The following FLT1 variants were observed in gnomAD, a reference collection of about 807,000 sequenced individuals.
The protein encoded by FLT1 is fms related receptor tyrosine kinase 1.
FLT1 carries 49 observed loss-of-function variants against 156.3 expected under a neutral mutation model. That is an observed-to-expected ratio of 0.31 (90% CI 0.25 to 0.40). The LOEUF (loss-of-function observed/expected upper bound fraction) is 0.40, where lower values mean the gene tolerates loss of function less well. Among genes scored for constraint, FLT1 ranks in the 10% least tolerant of loss-of-function variants. FLT1 has a pLI of 1.00. For missense variants in FLT1, 1,322 were observed against 1,637.2 expected (o/e 0.81, Z 3.32); for synonymous variants, 594 against 583.8 (o/e 1.02, Z -0.25).
In FLT1 at chr13:28,372,567, T is replaced by TATAC. The variant is rs1491134751; in HGVS notation, c.2116+12317_2116+12318insGTAT. ...ATATATTCCTCGTTTAAATAAAATGTATATATATATATATATATATATATA... is the reference window on the plus strand; with the variant it reads ...ATATATTCCTCGTTTAAATAAAATGTATACATATATATATATATATATATATATA... On this transcript the variant is annotated intron_variant, in intron 14 of 29. Coordinates refer to ENST00000282397, the MANE Select transcript of FLT1 (RefSeq NM_002019.4). Among the ~76,000 whole-genome samples, 10 of 2,670 alleles carry TATAC rather than the reference T, an allele frequency of 3.7e-3. 1 individual carries two copies. Among genetic ancestry groups the TATAC allele is most frequent in the Admixed American group, 0.029 (9 of 306 alleles). The allele number at this position is 2,670 out of a possible 152,430, so 1.8% of individuals were successfully genotyped here.
rs187049984 is a variant in FLT1, at chr13:28,360,254, C to T, written c.2117-2569G>A. On this transcript the variant is annotated intron_variant, in intron 14 of 29. Coordinates refer to ENST00000282397, the MANE Select transcript of FLT1 (RefSeq NM_002019.4). ...CGGTTGGTGGCATTATAAATTGTTA[C>T]GGCCATTTTGGAAAACCATATGGAG... 4.3e-4 allele frequency among the ~76,000 whole-genome samples: 65 copies of T among 152,268 alleles called. 1 individual carries two copies. The highest frequency in any genetic ancestry group is 3.4e-3 in the Middle Eastern group (1 of 294).
At chr13:28,474,507 C>CACACACACACACACACACACACACAG (rs1193451656) in intron 1 of FLT1, among the ~76,000 whole-genome samples, 2 of 150,594 alleles carry the variant, frequency 1.3e-5, no homozygotes, top group African/African-American at 5.0e-5. Flanking sequence ...CACACACACA[C>CACACACACACACACACACACACACAG]ACACACACAC....
At chr13:28,363,767 C>A (rs1236313006) in intron 14 of FLT1, among the ~76,000 whole-genome samples, 1 of 152,124 alleles carries the variant, frequency 6.6e-6, no homozygotes, top group Admixed American at 6.5e-5. Context: ...GCGCCCACCA[C>A]TGCATCTGGC....
chr13:28,447,451 T>C (rs1013430850), intron 3 of FLT1, among the ~76,000 whole-genome samples: 1 of 152,018 alleles, frequency 6.6e-6, no homozygotes, highest in Non-Finnish European at 1.5e-5. Flanking sequence ...TCTCCCAAAG[T>C]GCTGGGATTG....
chr13:28,368,278 G>A lies in FLT1; in HGVS notation c.2117-10593C>T, dbSNP rs148925471. On this transcript the variant is annotated intron_variant, in intron 14 of 29. Transcript: ENST00000282397. ...AGTGATTCTCCTGTCTCAGCCTCCC[G>A]AGTAGCTGGCATTACAGGCATGAGC... 2,724 of 390,578 alleles carry A rather than the reference G, an allele frequency of 7.0e-3. 65 individuals are homozygous for A. Among genetic ancestry groups the A allele is most frequent in the African/African-American group, 0.052 (2,541 of 48,788 alleles). The allele number at this position is 390,578 out of a possible 1,614,324, so 24.2% of individuals were successfully genotyped here. A position where few individuals can be genotyped will look rare whatever the true frequency, so the allele number is the denominator to read the frequency against.
intron 12 of FLT1, 22 bp from the exon 13 acceptor site, chr13:28,390,126 CTTCAG>C: frequency 6.2e-7 from 1 of 1,608,166 alleles, no homozygotes; most frequent in Non-Finnish European, 8.5e-7. Flanking sequence ...GAATAAAGAA[CTTCAG>C]TTCACAGAAA....
intron 3 of FLT1, among the ~76,000 whole-genome samples, chr13:28,438,672 A>G (rs893300366): frequency 4.9e-4 from 75 of 152,246 alleles, no homozygotes; most frequent in Non-Finnish European, 1.8e-4. Context: ...AAAATTCTGC[A>G]TAGACTTCTC....
intron 14 of FLT1, among the ~76,000 whole-genome samples, chr13:28,361,209 G>A (rs937229090): frequency 3.9e-5 from 6 of 152,022 alleles, no homozygotes; most frequent in African/African-American, 1.4e-4. Flanking sequence ...AAGCCGGGAG[G>A]CAGAGCTTGG....
At chr13:28,311,874 C>T (rs572908814) in intron 26 of FLT1, 119 bp downstream of exon 26, 1 of 1,089,342 alleles carries the variant, frequency 9.2e-7, no homozygotes, top group East Asian at 2.4e-5. Flanking sequence ...CACACACACA[C>T]CCTTTTTTTA....
chr13:28,379,393 AAG>A (rs1050706497), intron 14 of FLT1, among the ~76,000 whole-genome samples: 1 of 152,210 alleles, frequency 6.6e-6, no homozygotes, highest in Non-Finnish European at 1.5e-5. Context: ...AGTGAGAGGA[AAG>A]AGAATTTTTC....
At chr13:28,447,951 A>T (rs1191578724) in intron 3 of FLT1, among the ~76,000 whole-genome samples, 1 of 152,090 alleles carries the variant, frequency 6.6e-6, no homozygotes, top group Non-Finnish European at 1.5e-5. Flanking sequence ...TGGGAAAAGG[A>T]TCTGAACTGA....
At chr13:28,366,858 T>G (rs1873315296) in intron 14 of FLT1, among the ~76,000 whole-genome samples, 1 of 152,190 alleles carries the variant, frequency 6.6e-6, no homozygotes, top group African/African-American at 2.4e-5. Context: ...TACCTTTTTG[T>G]CATAAAATTG....
intron 18 of FLT1, among the ~76,000 whole-genome samples, chr13:28,331,742 A>G (rs939364098): frequency 1.3e-5 from 2 of 152,210 alleles, no homozygotes; most frequent in African/African-American, 4.8e-5. Context: ...CCTTTTTTCT[A>G]TCTCCCAGAA....
At chr13:28,308,014 C>T (rs1405755567) in intron 28 of FLT1, among the ~76,000 whole-genome samples, 4 of 152,158 alleles carry the variant, frequency 2.6e-5, no homozygotes, top group East Asian at 3.9e-4. Context: ...CCTCGTGATC[C>T]GCCTGCCTTG....
At chr13:28,435,535 A>T (rs1471246927) in intron 4 of FLT1, among the ~76,000 whole-genome samples, 1 of 152,210 alleles carries the variant, frequency 6.6e-6, no homozygotes, top group African/African-American at 2.4e-5. Flanking sequence ...CCAACAGATT[A>T]TAAAGGAAAT....
intron 8 of FLT1, among the ~76,000 whole-genome samples, chr13:28,428,153 A>C (rs1777882769): frequency 6.6e-6 from 1 of 152,224 alleles, no homozygotes; most frequent in Non-Finnish European, 1.5e-5. Context: ...GAGCGAAGAT[A>C]GAAAAGCAGT....
chr13:28,446,138 G>A (rs1878604785), intron 3 of FLT1, among the ~76,000 whole-genome samples: 1 of 152,136 alleles, frequency 6.6e-6, no homozygotes, highest in Admixed American at 6.6e-5. Context: ...AGGAAAATGG[G>A]AATTGCACTG....
At chr13:28,396,768 G>A (rs1202294214) in intron 12 of FLT1, 192 bp downstream of exon 12, 2 of 689,002 alleles carry the variant, frequency 2.9e-6, no homozygotes, top group African/African-American at 3.5e-5. Context: ...AGAGAATACA[G>A]GGAAATAACT....
chr13:28,481,687 C>T (rs141670503), intron 1 of FLT1, among the ~76,000 whole-genome samples: 1 of 152,228 alleles, frequency 6.6e-6, no homozygotes, highest in African/African-American at 2.4e-5. Context: ...CAGCTCTAAG[C>T]TGGCCTCTTA....
Sources: allele counts gnomAD v4.1 joint callset (sites outside exome capture counted in the v4.1 genomes callset), GRCh38; gene constraint gnomAD v4.1.1; transcripts MANE v1.5; gene names NCBI Gene and HGNC (gene_info 2026-07-23, HGNC 2026-07-21).